SYNPR: variants seen among roughly 807,000 people sequenced by gnomAD.
SYNPR encodes the protein synaptoporin.
Under a neutral mutation model 32.9 loss-of-function variants are expected in SYNPR, and 23 were observed. That is an observed-to-expected ratio of 0.70 (90% confidence interval 0.50 to 0.99). SYNPR has a LOEUF of 0.99. SYNPR is among the 50% of genes least tolerant of loss of function. The pLI, the probability that SYNPR is intolerant of heterozygous loss-of-function variation, is 0.00. For synonymous variants in SYNPR, 146 were observed against 135.9 expected, an observed-to-expected ratio of 1.07 and a Z score of -0.52; for missense variants, 318 against 349.3, an observed-to-expected ratio of 0.91 and a Z score of 0.71.
the SYNPR span, among the ~76,000 whole-genome samples, chr3:63,205,717 A>G: frequency 1.3e-5 from 2 of 152,226 alleles, no homozygotes; most frequent in Admixed American, 1.3e-4. Flanking sequence ...TCTGTTTGTG[A>G]AACTGGCTTC....
intron 4 of SYNPR, among the ~76,000 whole-genome samples, chr3:63,565,030 T>G (rs536211240): frequency 6.6e-6 from 1 of 152,300 alleles, no homozygotes; most frequent in Non-Finnish European, 1.5e-5. Context: ...CTCATTCAGT[T>G]AGAAAATCAA....
At chr3:63,369,423 TCA>T (rs1259933270) in intron 2 of SYNPR, among the ~76,000 whole-genome samples, 1 of 152,218 alleles carries the variant, frequency 6.6e-6, no homozygotes, top group East Asian at 1.9e-4. Flanking sequence ...AAAGTAGATC[TCA>T]GAGAATATAT....
chr3:63,351,373 C>CT (rs2087507431), intron 2 of SYNPR: 1 of 152,162 alleles, frequency 6.6e-6, no homozygotes, highest in African/African-American at 2.4e-5. Context: ...GGTACGTGTG[C>CT]TTTTCAAATC....
At chr3:63,290,447 T>C (rs2106929465) in intron 2 of SYNPR, among the ~76,000 whole-genome samples, 1 of 152,314 alleles carries the variant, frequency 6.6e-6, no homozygotes, top group Admixed American at 6.5e-5. Context: ...ATGCTACTAA[T>C]AGACAAAGCA....
intron 2 of SYNPR, among the ~76,000 whole-genome samples, chr3:63,464,765 C>T (rs540897343): frequency 6.6e-6 from 1 of 152,290 alleles, no homozygotes; most frequent in South Asian, 2.1e-4. Context: ...CTAATTTTTG[C>T]ATCATTGTCT....
At chr3:63,279,055 C>A (rs781194251) in intron 2 of SYNPR, among the ~76,000 whole-genome samples, 4 of 152,060 alleles carry the variant, frequency 2.6e-5, no homozygotes, top group Admixed American at 6.5e-5. Flanking sequence ...GGGAGGGGGG[C>A]GCATGGAAGG....
intron 4 of SYNPR, among the ~76,000 whole-genome samples, chr3:63,586,593 A>G (rs1703188503): frequency 6.6e-6 from 1 of 150,692 alleles, no homozygotes; most frequent in South Asian, 2.1e-4. Flanking sequence ...AGGCCTAATG[A>G]TTTTTCCTTT....
chr3:63,494,173 A>T (rs539725517), intron 3 of SYNPR, among the ~76,000 whole-genome samples: 2 of 151,614 alleles, frequency 1.3e-5, no homozygotes, highest in East Asian at 3.9e-4. Context: ...CTATTATGAC[A>T]TACATTACTC....
At chr3:63,477,425 A>G in intron 2 of SYNPR, among the ~76,000 whole-genome samples, 1 of 152,196 alleles carries the variant, frequency 6.6e-6, no homozygotes, top group East Asian at 1.9e-4. Flanking sequence ...CCCTTTAAGC[A>G]GTTGTCATGC....
Position 63,534,894 on chromosome 3 carries a change from A to C in SYNPR, c.210-21649A>C, listed in dbSNP as rs1702174932. Reference sequence around the variant, plus strand: ...CCCAGGGTGAGAAAATGAGTAATCTATTCATAAGGAATCCACCCCCATAAC... The same window carrying C: ...CCCAGGGTGAGAAAATGAGTAATCTCTTCATAAGGAATCCACCCCCATAAC... On this transcript the variant is annotated intron_variant, in intron 3 of 5. Coordinates refer to ENST00000478300, the MANE Select transcript of SYNPR (RefSeq NM_001130003.2). Among the ~76,000 whole-genome samples, 3 of 152,090 alleles carry C rather than the reference A, an allele frequency of 2.0e-5. No homozygotes were observed. In the South Asian group the frequency reaches 6.2e-4, roughly 32 times the overall value.
At chr3:63,271,079 T>G (rs1284245541) in intron 3 of SYNPR, among the ~76,000 whole-genome samples, 2 of 151,974 alleles carry the variant, frequency 1.3e-5, no homozygotes, top group African/African-American at 4.8e-5. Context: ...TTTAAGTGTT[T>G]ATCATTTTAA....
intron 3 of SYNPR, among the ~76,000 whole-genome samples, chr3:63,271,852 T>C (rs1476296042): frequency 6.6e-6 from 1 of 152,144 alleles, no homozygotes; most frequent in Non-Finnish European, 1.5e-5. Flanking sequence ...CAATAATGTA[T>C]GTGTATGTGT....
rs182131935 is a variant in SYNPR, at chr3:63,320,681, G to A, written c.84+41939G>A. Among the ~76,000 whole-genome samples the A allele has an allele frequency of 1.1e-4, 16 of 152,110 alleles. No individual in the cohort carries two copies. In the East Asian group the frequency reaches 2.9e-3, roughly 28 times the overall value. ...ATGAATAAACTTTTATTAACTCATT[G>A]GGGTAATAGAACTCTCAGACCCTAA... On this transcript the variant is annotated intron_variant, in intron 2 of 5. Transcript: ENST00000478300.
intron 2 of SYNPR, among the ~76,000 whole-genome samples, chr3:63,384,753 C>T (rs1227833558): frequency 5.3e-5 from 8 of 152,170 alleles, no homozygotes; most frequent in African/African-American, 1.9e-4. Flanking sequence ...TGATTTTTCT[C>T]ATCAAAACAC....
upstream of SYNPR, among the ~76,000 whole-genome samples, chr3:63,277,843 C>T (rs1409439885): frequency 6.6e-6 from 1 of 152,104 alleles, no homozygotes. Flanking sequence ...CAATGCTTAT[C>T]CTGTTTTTTT....
At chr3:63,490,336 G>C (rs1320124356) in intron 3 of SYNPR, among the ~76,000 whole-genome samples, 2 of 152,090 alleles carry the variant, frequency 1.3e-5, no homozygotes, top group Admixed American at 6.6e-5. Context: ...GGGTGCTGTG[G>C]GTTCATAGGA....
At chr3:63,477,716 C>A (rs899328979) in intron 2 of SYNPR, among the ~76,000 whole-genome samples, 1 of 151,776 alleles carries the variant, frequency 6.6e-6, no homozygotes, top group South Asian at 2.1e-4. Context: ...AGCCGAGCCA[C>A]GTGCTGGCTC....
chr3:63,501,135 G>A (rs1701469454), intron 3 of SYNPR, among the ~76,000 whole-genome samples: 1 of 152,060 alleles, frequency 6.6e-6, no homozygotes, highest in Non-Finnish European at 1.5e-5. Flanking sequence ...ACCAGTATTA[G>A]GGGTCTAGAA....
In SYNPR at chr3:63,537,149, T is replaced by TA. The variant is rs201770364; in HGVS notation, c.210-19385dup. Among the ~76,000 whole-genome samples, 824 of 151,664 alleles carry TA rather than the reference T, an allele frequency of 5.4e-3. 3 individuals carry two copies. The highest frequency in any genetic ancestry group is 0.018 in the African/African-American group (761 of 41,368). ...ATTTTATCTCCATAAAGCTATTACTTAAAAAAAAATTAGGGTCAGTCGTCC... is the reference window on the plus strand; with the variant it reads ...ATTTTATCTCCATAAAGCTATTACTTAAAAAAAAAATTAGGGTCAGTCGTCC... On this transcript the variant is annotated intron_variant, in intron 3 of 5. Coordinates refer to ENST00000478300, the MANE Select transcript of SYNPR (RefSeq NM_001130003.2).
Sources: allele counts gnomAD v4.1 joint callset (sites outside exome capture counted in the v4.1 genomes callset), GRCh38; gene constraint gnomAD v4.1.1; transcripts MANE v1.5; gene names NCBI Gene and HGNC (gene_info 2026-07-23, HGNC 2026-07-21).